PLBD2: variants seen among roughly 807,000 people sequenced by gnomAD.
PLBD2 encodes the protein phospholipase B domain containing 2.
PLBD2 carries 51 observed loss-of-function variants against 68.3 expected under a neutral mutation model. That is an observed-to-expected ratio of 0.75 (90% confidence interval 0.60 to 0.94). PLBD2 has a LOEUF of 0.94. PLBD2 is among the 40% of genes least tolerant of loss of function. The pLI, the probability that PLBD2 is intolerant of heterozygous loss-of-function variation, is 0.00. For missense variants in PLBD2, 729 were observed against 792.2 expected, an observed-to-expected ratio of 0.92 and a Z score of 0.96; for synonymous variants, 314 against 339.3, an observed-to-expected ratio of 0.93 and a Z score of 0.82.
At chr12:113,363,052 T>TA (rs1320010384) in intron 1 of PLBD2, among the ~76,000 whole-genome samples, 1 of 151,576 alleles carries the variant, frequency 6.6e-6, no homozygotes, top group Non-Finnish European at 1.5e-5. Context: ...CACCTCAGCC[T>TA]CCCAAAGTGC....
intron 1 of PLBD2, among the ~76,000 whole-genome samples, chr12:113,362,872 C>T (rs944301496): frequency 1.3e-5 from 2 of 151,684 alleles, no homozygotes; most frequent in African/African-American, 4.8e-5. Context: ...GCAACCTCCG[C>T]CTCCTGGGTT....
At position 113,368,448 on chromosome 12, in the gene PLBD2, G is replaced by A. The variant is rs75621273; in HGVS notation, c.291-668G>A. On this transcript the variant is annotated intron_variant, in intron 1 of 11. Transcript: ENST00000280800. ...CCCTGGGACCAGTGGGCTGGCCGGG[G>A]CTTGTTCTTCCCATGGTGATGGCAG... Among the ~76,000 whole-genome samples the A allele has an allele frequency of 5.4e-4, 83 of 152,322 alleles. No homozygotes were observed. In the East Asian group the frequency reaches 0.014, roughly 27 times the overall value.
At chr12:113,375,721 G>T (rs1295039788) in intron 5 of PLBD2, among the ~76,000 whole-genome samples, 2 of 152,170 alleles carry the variant, frequency 1.3e-5, no homozygotes, top group Non-Finnish European at 2.9e-5. Flanking sequence ...GGGGTTGATT[G>T]TCAGCCAGGG....
chr12:113,363,599 G>A (rs560305883), intron 1 of PLBD2, among the ~76,000 whole-genome samples: 57 of 148,430 alleles, frequency 3.8e-4, no homozygotes, highest in African/African-American at 1.4e-3. Context: ...AGTCAGTGGC[G>A]CGATTTCGGG....
chr12:113,374,968 A>G lies in PLBD2; in HGVS notation c.820A>G (p.Ile274Val), dbSNP rs1262972324. The change falls in exon 5 of 12, where the codon ATC becomes GTC. Residue 274 changes from isoleucine to valine, a missense_variant. Transcript: ENST00000280800. ...WNNYQHMLRV[I>V]KKYWLQFREG... is the part of the protein sequence containing the mutation. ...CAACTACCAGCACATGCTGCGTGTC[A>G]TCAAGAAGTACTGGCTCCAGTTCCG... The G allele has an allele frequency of 6.2e-7, 1 of 1,614,150 alleles. No homozygotes were observed. The highest frequency in any genetic ancestry group is 1.3e-5 in the African/African-American group (1 of 75,052).
At chr12:113,374,764 T>G (rs1207027522) in intron 4 of PLBD2, 29 bp from the exon 5 acceptor site, 1 of 1,611,358 alleles carries the variant, frequency 6.2e-7, no homozygotes, top group Non-Finnish European at 8.5e-7. Context: ...GCAGGCGTGG[T>G]AACCCTCTGA....
intron 1 of PLBD2, among the ~76,000 whole-genome samples, chr12:113,362,677 A>C (rs892242466): frequency 1.3e-5 from 2 of 151,996 alleles, no homozygotes; most frequent in Admixed American, 1.3e-4. Flanking sequence ...AAAACAAAGG[A>C]GAGCAATATT....
chr12:113,367,885 C>G (rs1593280751), intron 1 of PLBD2, among the ~76,000 whole-genome samples: 2 of 151,878 alleles, frequency 1.3e-5, no homozygotes, highest in African/African-American at 4.8e-5. Flanking sequence ...AGTTCTAGAC[C>G]AGACTGGCCA....
intron 5 of PLBD2, among the ~76,000 whole-genome samples, chr12:113,378,829 G>T (rs1386301444): frequency 6.6e-6 from 1 of 152,104 alleles, no homozygotes; most frequent in Middle Eastern, 3.2e-3. Context: ...GGGACTACGG[G>T]CATGCACCCC....
intron 1 of PLBD2, among the ~76,000 whole-genome samples, chr12:113,366,625 C>T (rs537598957): frequency 6.6e-6 from 1 of 151,712 alleles, no homozygotes; most frequent in African/African-American, 2.4e-5. Flanking sequence ...TACAGGCACA[C>T]CCCACTGCAC....
At chr12:113,382,863 GTGTGTTTTTTT>G (rs1957507757) in intron 6 of PLBD2, among the ~76,000 whole-genome samples, 1 of 126,950 alleles carries the variant, frequency 7.9e-6, no homozygotes, top group African/African-American at 3.1e-5. Flanking sequence ...GTGTGTGTGT[GTGTGTTTTTTT>G]TTTTTTTTTT....
Position 113,372,754 on chromosome 12 carries a change from G to T in PLBD2, c.490G>T (p.Glu164Ter), listed in dbSNP as rs1957400344. 3.7e-6 allele frequency: 6 copies of T among 1,614,054 alleles called. No homozygotes were observed. The highest frequency in any genetic ancestry group is 5.1e-6 in the Non-Finnish European group (6 of 1,180,022). The change falls in exon 3 of 12, where the codon GAG becomes TAG. Residue 164 changes from glutamate (E) to a stop codon, truncating the protein, a stop_gained. Coordinates refer to ENST00000280800, the MANE Select transcript of PLBD2 (RefSeq NM_173542.4). LOFTEE classifies it high-confidence loss of function. This position sits in a 1 kb window ranked among gnomAD's most constrained non-coding sequence, Gnocchi z 4.2. ...GAAGAGCTTCCTGGAGGCCAACCTA[G>T]AGTGGATGCAGGAAGAGATGGAGTC... ...RLKSFLEANL[E>*]WMQEEMESNP...
Position 113,387,870 on chromosome 12 carries a change from C to T in PLBD2, c.1566C>T (p.Ala522=), listed in dbSNP as rs766042274. 7 of 1,614,230 alleles carry T rather than the reference C, an allele frequency of 4.3e-6. 1 individual carries two copies. In the South Asian group the frequency reaches 5.5e-5, roughly 13 times the overall value. ...NPANGSYPFQ[A]LRQRSHGGID... is the part of the protein sequence containing the mutation. ...CCAATGGCTCCTACCCCTTCCAGGC[C>T]CTGCGTCAGCGCTCCCATGGGGGTA... Residue 522 remains alanine, a synonymous_variant, in exon 11 of 12, where the codon GCC becomes GCT. Transcript: ENST00000280800.
At position 113,375,003 on chromosome 12, in the gene PLBD2, C is replaced by G. The variant is rs1471630039; in HGVS notation, c.855C>G (p.Pro285=). 1.9e-6 allele frequency: 3 copies of G among 1,613,906 alleles called. No individual in the cohort carries two copies. The highest frequency in any genetic ancestry group is 3.3e-5 in the Admixed American group (2 of 60,012). The change falls in exon 5 of 12, where the codon CCC becomes CCG. Residue 285 remains proline, a synonymous_variant. Transcript: ENST00000280800. ...KKYWLQFREG[P]WGDYPLVPGN... The stretch of plus-strand genomic sequence containing the variant: ...ACTGGCTCCAGTTCCGGGAAGGCCC[C>G]TGGGGTAGGTGGGTGTGGGTGTGTC...
intron 1 of PLBD2, among the ~76,000 whole-genome samples, chr12:113,367,082 AG>A (rs1174875591): frequency 6.6e-6 from 1 of 152,174 alleles, no homozygotes; most frequent in Non-Finnish European, 1.5e-5. Context: ...CTGGGATTAC[AG>A]GCATGAGCCA....
rs1265682500 is a variant in PLBD2, at chr12:113,391,169, G to C, written c.*2543G>C. ...ATACAAAAAAAAAGGCTCTCTCCCT[G>C]TCTGATCTCATGCAGCCTGCCTTGG... On this transcript the variant is annotated 3_prime_UTR_variant, in exon 12 of 12. Transcript: ENST00000280800. The C allele has an allele frequency of 6.6e-6, 1 of 152,050 alleles. No individual in the cohort carries two copies. Among genetic ancestry groups the C allele is most frequent in the South Asian group, 2.1e-4 (1 of 4,820 alleles). 9.4% of individuals were successfully genotyped at this position (152,050 alleles called of 1,614,324 possible).
rs1024803660 is a variant in PLBD2 at position 113,358,597 on chromosome 12, G to T, written c.-4G>T. 2.0e-6 allele frequency: 3 copies of T among 1,467,414 alleles called. No homozygotes were observed. The highest frequency in any genetic ancestry group is 2.7e-6 in the Non-Finnish European group (3 of 1,118,858). The allele number at this position is 1,467,414 out of a possible 1,614,324, so 90.9% of individuals were successfully genotyped here. On this transcript the variant is annotated 5_prime_UTR_variant, in exon 1 of 12. Transcript: ENST00000280800. ...CGGGCTGCGGGGCGCAGCATTGTGC[G>T]GTCATGGTGGGCCAGATGTACTGCT...
chr12:113,388,960 G>T lies in PLBD2; in HGVS notation c.*334G>T, dbSNP rs1293808517. 1.5e-5 allele frequency: 3 copies of T among 196,276 alleles called. No individual in the cohort carries two copies. Among genetic ancestry groups the T allele is most frequent in the Non-Finnish European group, 3.1e-5 (3 of 97,320 alleles). 12.2% of individuals were successfully genotyped at this position (196,276 alleles called of 1,614,324 possible). A position where few individuals can be genotyped will look rare whatever the true frequency, so the allele number is the denominator to read the frequency against. Reference sequence around the variant, plus strand: ...GTGCTTCTCCTTCCTGAGGGTTTGGGAAGGTCCTGGGGCAGACTCTGGGGC... The same window carrying T: ...GTGCTTCTCCTTCCTGAGGGTTTGGTAAGGTCCTGGGGCAGACTCTGGGGC... On this transcript the variant is annotated 3_prime_UTR_variant, in exon 12 of 12. Coordinates refer to ENST00000280800, the MANE Select transcript of PLBD2 (RefSeq NM_173542.4).
rs572770827 is a variant in PLBD2, at chr12:113,386,552, C to T, written c.1287-385C>T. ...TTTTTTTTTTTGAGACGGAGTCTCG[C>T]TGTGTCGCCCAGGTTGGAGTGCAAT... is the stretch of plus-strand genomic sequence containing the variant. On this transcript the variant is annotated intron_variant, in intron 9 of 11. Transcript: ENST00000280800. Among the ~76,000 whole-genome samples the T allele has an allele frequency of 2.6e-5, 4 of 151,108 alleles. No individual in the cohort carries two copies. In the South Asian group the frequency reaches 6.3e-4, roughly 24 times the overall value.
Sources: allele counts gnomAD v4.1 joint callset (sites outside exome capture counted in the v4.1 genomes callset), GRCh38; gene constraint gnomAD v4.1.1; non-coding constraint Gnocchi (gnomAD v3.1); transcripts MANE v1.5; gene names NCBI Gene and HGNC (gene_info 2026-07-23, HGNC 2026-07-21).